WDPCP: variants seen among roughly 807,000 people sequenced by gnomAD.
WDPCP encodes WD repeat-containing and planar cell polarity effector protein fritz homolog.
WDPCP carries 71 observed loss-of-function variants against 93.1 expected under a neutral mutation model. The observed-to-expected ratio is 0.76, with a 90% CI of 0.63 to 0.93. WDPCP has a LOEUF of 0.93. WDPCP is among the 40% of genes least tolerant of loss of function. WDPCP has a pLI of 0.00. For missense variants in WDPCP, 844 were observed against 887.4 expected, an observed-to-expected ratio of 0.95 and a Z score of 0.62; for synonymous variants, 315 against 315.0, an observed-to-expected ratio of 1.00 and a Z score of 0.00.
At chr2:63,381,639 T>G (rs190816861) in intron 11 of WDPCP, among the ~76,000 whole-genome samples, 1 of 152,288 alleles carries the variant, frequency 6.6e-6, no homozygotes, top group East Asian at 1.9e-4. Flanking sequence ...GTCTGTGAGC[T>G]TAGACTGAAT....
intron 1 of WDPCP, among the ~76,000 whole-genome samples, chr2:63,509,267 G>A (rs1307476158): frequency 1.3e-5 from 2 of 152,112 alleles, no homozygotes; most frequent in Non-Finnish European, 2.9e-5. Flanking sequence ...TTAGAACTCA[G>A]GATTAAGAAA....
chr2:63,771,887 T>A (rs1488926151), intron 2 of WDPCP, among the ~76,000 whole-genome samples: 2 of 152,062 alleles, frequency 1.3e-5, no homozygotes, highest in Non-Finnish European at 2.9e-5. Context: ...GATATTTTTT[T>A]AATGGCTGCA....
intron 14 of WDPCP, among the ~76,000 whole-genome samples, chr2:63,202,567 C>A (rs1477671015): frequency 6.6e-6 from 1 of 152,044 alleles, no homozygotes; most frequent in Non-Finnish European, 1.5e-5. Flanking sequence ...GTTAAAGTTT[C>A]CTTTTATAGT....
chr2:63,627,428 G>A (rs992233667), intron 3 of WDPCP, among the ~76,000 whole-genome samples: 2 of 152,110 alleles, frequency 1.3e-5, no homozygotes, highest in Non-Finnish European at 2.9e-5. Flanking sequence ...AGAAAAGGGC[G>A]GGGTCCCTTG....
chr2:63,455,959 G>T (rs963457289), intron 6 of WDPCP, among the ~76,000 whole-genome samples: 12 of 152,130 alleles, frequency 7.9e-5, no homozygotes, highest in Non-Finnish European at 5.9e-5. Context: ...TTTGAAAATG[G>T]AAATCATATC....
chr2:63,706,469 G>T (rs1669154185), intron 2 of WDPCP, among the ~76,000 whole-genome samples: 1 of 151,982 alleles, frequency 6.6e-6, no homozygotes, highest in Admixed American at 6.6e-5. Context: ...CTTCCTTCAG[G>T]AGCTCTTTTA....
At position 63,404,570 on chromosome 2, in the gene WDPCP, A is replaced by C. The variant is rs1015241062; in HGVS notation, c.913T>G (p.Ser305Ala). The C allele has an allele frequency of 5.1e-5, 83 of 1,613,862 alleles. No homozygotes were observed. The highest frequency in any genetic ancestry group is 6.9e-5 in the Non-Finnish European group (81 of 1,179,962). ...ATGGGCTCTTTGTCTACACTTACGG[A>C]GTGCTCCACTGTGAACACCTGATAA... ...QPYQVFTVEH[S>A]VSVDKEPMAD... Residue 305 changes from serine (S) to alanine (A), a missense_variant, in exon 10 of 18, where the codon TCC becomes GCC. Ser to Ala is a moderately conservative substitution (Grantham distance 99, BLOSUM62 1). Transcript: ENST00000272321.
intron 2 of WDPCP, among the ~76,000 whole-genome samples, chr2:63,792,046 C>T (rs572077994): frequency 6.6e-6 from 1 of 152,202 alleles, no homozygotes; most frequent in South Asian, 2.1e-4. Context: ...TTGTATTGAG[C>T]TCTGGAGGTA....
intron 14 of WDPCP, among the ~76,000 whole-genome samples, chr2:63,211,811 A>G (rs1164566239): frequency 6.6e-6 from 1 of 152,194 alleles, no homozygotes; most frequent in African/African-American, 2.4e-5. Context: ...CACGAGAACT[A>G]TGTGATGCGT....
At chr2:63,295,880 C>CAA (rs59418675) in intron 13 of WDPCP, among the ~76,000 whole-genome samples, 41 of 115,210 alleles carry the variant, frequency 3.6e-4, no homozygotes, top group South Asian at 5.7e-4. Flanking sequence ...GAAACTATTC[C>CAA]AAAAAAAAAA....
chr2:63,834,344 A>G, the WDPCP span, among the ~76,000 whole-genome samples: 1 of 152,040 alleles, frequency 6.6e-6, no homozygotes, highest in Non-Finnish European at 1.5e-5. Flanking sequence ...ACCTCTTAAC[A>G]TTTTCTTTGT....
chr2:63,769,393 G>GT (rs770191592), intron 2 of WDPCP, among the ~76,000 whole-genome samples: 11 of 151,978 alleles, frequency 7.2e-5, no homozygotes, highest in Non-Finnish European at 1.6e-4. Context: ...ATAATGTAAA[G>GT]TTTATATGGA....
chr2:63,287,424 C>T (rs951821849), intron 13 of WDPCP, among the ~76,000 whole-genome samples: 1 of 152,060 alleles, frequency 6.6e-6, no homozygotes, highest in Non-Finnish European at 1.5e-5. Flanking sequence ...CGCTACTCTT[C>T]CTGTTGTAAC....
At chr2:63,589,002 C>T (rs1575715651), upstream of WDPCP, 1 of 1,614,200 alleles carries the variant, frequency 6.2e-7, no homozygotes, top group East Asian at 2.2e-5. Flanking sequence ...CTCTCTGAGG[C>T]TCATTTTGCA....
intron 10 of WDPCP, among the ~76,000 whole-genome samples, chr2:63,389,096 G>A (rs1211095769): frequency 2.6e-5 from 4 of 152,018 alleles, no homozygotes; most frequent in African/African-American, 7.2e-5. Flanking sequence ...ACACATAATC[G>A]TCAGATTCAC....
intron 2 of WDPCP, among the ~76,000 whole-genome samples, chr2:63,691,026 A>G (rs902148006): frequency 5.9e-5 from 9 of 152,222 alleles, no homozygotes; most frequent in African/African-American, 2.2e-4. Flanking sequence ...AAATGAATGT[A>G]CATGCATAAC....
At chr2:63,573,302 T>C (rs1219717856) in intron 1 of WDPCP, among the ~76,000 whole-genome samples, 1 of 151,962 alleles carries the variant, frequency 6.6e-6, no homozygotes, top group Non-Finnish European at 1.5e-5. Flanking sequence ...GCTCCCTCAT[T>C]GCAACTTGTT....
intron 1 of WDPCP, chr2:63,517,908 G>A (rs578084917): frequency 1.3e-5 from 2 of 152,286 alleles, no homozygotes; most frequent in Middle Eastern, 6.8e-3. Context: ...TTGTTTTTGA[G>A]ATGAGTCTCC....
At chr2:63,690,962 A>T (rs1438808215) in intron 2 of WDPCP, among the ~76,000 whole-genome samples, 2 of 152,204 alleles carry the variant, frequency 1.3e-5, no homozygotes, top group Non-Finnish European at 2.9e-5. Flanking sequence ...AAAACCACAT[A>T]ATTCAAGAAT....
Sources: allele counts gnomAD v4.1 joint callset (sites outside exome capture counted in the v4.1 genomes callset), GRCh38; gene constraint gnomAD v4.1.1; transcripts MANE v1.5; gene names NCBI Gene and HGNC (gene_info 2026-07-23, HGNC 2026-07-21).